The following STK32B variants were observed in gnomAD, a reference collection of about 807,000 sequenced individuals.
The protein encoded by STK32B is serine/threonine-protein kinase 32B.
A neutral mutation model predicts 52.6 loss-of-function variants in STK32B; 43 were observed. The ratio of observed to expected loss-of-function variants is 0.82; its 90% CI spans 0.64 to 1.05. STK32B has a LOEUF of 1.05. Among genes scored for constraint, STK32B ranks in the 50% least tolerant of loss-of-function variants. The pLI is 0.00. For synonymous variants in STK32B, 238 were observed against 204.3 expected (o/e 1.17, Z -1.41); for missense variants, 621 against 534.6 (o/e 1.16, Z -1.59).
At chr4:5,096,381 G>A (rs566138710) in intron 1 of STK32B, among the ~76,000 whole-genome samples, 2 of 152,268 alleles carry the variant, frequency 1.3e-5, no homozygotes, top group Admixed American at 6.5e-5. Flanking sequence ...GAGCCAGCAC[G>A]TGGTCAACAT....
intron 2 of STK32B, among the ~76,000 whole-genome samples, chr4:5,160,149 C>G (rs1034197079): frequency 1.3e-5 from 2 of 152,160 alleles, no homozygotes; most frequent in African/African-American, 4.8e-5. Flanking sequence ...CCAGTTGACA[C>G]AGAAAACTAA....
At chr4:5,339,005 A>G (rs540729160) in intron 4 of STK32B, among the ~76,000 whole-genome samples, 10 of 152,316 alleles carry the variant, frequency 6.6e-5, no homozygotes, top group African/African-American at 1.4e-4. Context: ...GTGGGCATCA[A>G]CGATTCCTCT....
intron 2 of STK32B, among the ~76,000 whole-genome samples, chr4:5,156,950 A>T (rs1050869041): frequency 4.6e-5 from 7 of 152,036 alleles, no homozygotes; most frequent in Non-Finnish European, 7.4e-5. Flanking sequence ...ATAAGGAAAG[A>T]CTCTTTGCAG....
intron 4 of STK32B, among the ~76,000 whole-genome samples, chr4:5,377,969 C>T (rs1735689220): frequency 1.3e-5 from 2 of 152,170 alleles, no homozygotes; most frequent in Admixed American, 6.5e-5. Flanking sequence ...GTACCAAATT[C>T]TGGTTAGACT....
At chr4:5,494,021 G>C (rs1252339567) in intron 11 of STK32B, among the ~76,000 whole-genome samples, 7 of 152,204 alleles carry the variant, frequency 4.6e-5, no homozygotes, top group Non-Finnish European at 1.5e-5. Flanking sequence ...TTTTGGAATA[G>C]GTGTGGTGTG....
intron 2 of STK32B, among the ~76,000 whole-genome samples, chr4:5,157,407 T>C (rs575198049): frequency 1.8e-4 from 27 of 152,124 alleles, no homozygotes; most frequent in Admixed American, 8.5e-4. Context: ...ATGATTTCCA[T>C]TGATGATAGC....
chr4:5,280,956 G>A (rs894932546), intron 3 of STK32B, among the ~76,000 whole-genome samples: 4 of 152,054 alleles, frequency 2.6e-5, no homozygotes, highest in African/African-American at 9.7e-5. Flanking sequence ...CTGAGACTGG[G>A]TAATTCATGG....
At chr4:5,025,485 G>A in the STK32B span, among the ~76,000 whole-genome samples, 1 of 152,192 alleles carries the variant, frequency 6.6e-6, no homozygotes, top group African/African-American at 2.4e-5. Flanking sequence ...GCTCAGCTGA[G>A]CTCCTAACTC....
intron 2 of STK32B, among the ~76,000 whole-genome samples, chr4:5,158,732 T>C (rs1718070055): frequency 6.6e-6 from 1 of 152,146 alleles, no homozygotes; most frequent in South Asian, 2.1e-4. Flanking sequence ...GCAGATGCCA[T>C]CTTCTCCCTG....
chr4:5,182,350 G>C (rs1161457765), intron 3 of STK32B, among the ~76,000 whole-genome samples: 1 of 152,126 alleles, frequency 6.6e-6, no homozygotes, highest in African/African-American at 2.4e-5. Context: ...GTTCTTAATG[G>C]CATCTAGAAT....
chr4:5,085,832 C>T (rs955674522), intron 1 of STK32B, among the ~76,000 whole-genome samples: 2 of 152,122 alleles, frequency 1.3e-5, no homozygotes, highest in African/African-American at 2.4e-5. Flanking sequence ...ACTATCTCAG[C>T]GATAGCCTTG....
chr4:5,387,818 C>T (rs1577429989), intron 4 of STK32B, among the ~76,000 whole-genome samples: 1 of 152,180 alleles, frequency 6.6e-6, no homozygotes, highest in Admixed American at 6.5e-5. Flanking sequence ...AACCTTGGCT[C>T]ACCGCAACCT....
chr4:5,077,195 C>T (rs1416641356), intron 1 of STK32B, among the ~76,000 whole-genome samples: 6 of 152,170 alleles, frequency 3.9e-5, no homozygotes, highest in Admixed American at 2.0e-4. Flanking sequence ...AATGAATAAA[C>T]GAGTCTGCTA....
intron 7 of STK32B, among the ~76,000 whole-genome samples, chr4:5,450,258 C>G (rs915046622): frequency 6.6e-6 from 1 of 152,214 alleles, no homozygotes; most frequent in Non-Finnish European, 1.5e-5. Flanking sequence ...TTTGGTGCCC[C>G]AGTCACCCTG....
intron 5 of STK32B, among the ~76,000 whole-genome samples, chr4:5,405,068 G>A (rs910639743): frequency 9.2e-5 from 14 of 151,826 alleles, no homozygotes; most frequent in South Asian, 2.1e-4. Flanking sequence ...GGGTTTCACC[G>A]TGTTAGCCAG....
intron 1 of STK32B, among the ~76,000 whole-genome samples, chr4:5,093,414 G>A (rs564357855): frequency 6.6e-6 from 1 of 152,230 alleles, no homozygotes; most frequent in Non-Finnish European, 1.5e-5. Context: ...TTGCTATTGT[G>A]GTGAGCTCAA....
chr4:5,053,891 A>G (rs1441279940), intron 1 of STK32B, among the ~76,000 whole-genome samples: 1 of 151,698 alleles, frequency 6.6e-6, no homozygotes, highest in Non-Finnish European at 1.5e-5. Flanking sequence ...AGGCAGGAGA[A>G]TCGCTTGAAC....
chr4:5,443,889 G>C (rs1715054123), intron 6 of STK32B, among the ~76,000 whole-genome samples: 1 of 152,192 alleles, frequency 6.6e-6, no homozygotes, highest in Non-Finnish European at 1.5e-5. Flanking sequence ...CCCTGCTGGG[G>C]GGTGCCTGCC....
chr4:5,315,577 G>C (rs1730617032), intron 3 of STK32B, among the ~76,000 whole-genome samples: 1 of 151,816 alleles, frequency 6.6e-6, no homozygotes, highest in Non-Finnish European at 1.5e-5. Flanking sequence ...GAAATAAGGA[G>C]TATCTCAACA....
Sources: gnomAD v4.1 joint callset for allele counts (sites outside exome capture counted in the v4.1 genomes callset) on GRCh38, gnomAD v4.1.1 for gene constraint, MANE v1.5 for transcripts, NCBI Gene and HGNC (gene_info 2026-07-23, HGNC 2026-07-21) for gene names.